The following TASP1 variants were observed in gnomAD, a reference collection of about 807,000 sequenced individuals.
The protein encoded by TASP1 is taspase 1.
A neutral mutation model predicts 56.6 loss-of-function variants in TASP1; 16 were observed. The ratio of observed to expected loss-of-function variants is 0.28; its 90% CI spans 0.19 to 0.43. The LOEUF is 0.43. Among genes scored for constraint, TASP1 ranks in the 20% least tolerant of loss-of-function variants. The pLI, the probability that TASP1 is intolerant of heterozygous loss-of-function variation, is 1.00. For missense variants in TASP1, 393 were observed against 511.6 expected (o/e 0.77, Z 2.24); for synonymous variants, 179 against 184.2 (o/e 0.97, Z 0.23).
intron 12 of TASP1, among the ~76,000 whole-genome samples, chr20:13,423,160 T>C (rs764247799): frequency 6.6e-6 from 1 of 152,186 alleles, no homozygotes; most frequent in Non-Finnish European, 1.5e-5. Flanking sequence ...CTGTATACAA[T>C]GAAATACTAT....
intron 8 of TASP1, among the ~76,000 whole-genome samples, chr20:13,535,587 T>C (rs900517777): frequency 1.3e-5 from 2 of 152,182 alleles, no homozygotes; most frequent in Admixed American, 6.5e-5. Context: ...AATGACATAG[T>C]TCTGCTCAAG....
the TASP1 span, among the ~76,000 whole-genome samples, chr20:13,339,371 G>A: frequency 3.3e-5 from 5 of 152,168 alleles, no homozygotes; most frequent in Non-Finnish European, 5.9e-5. Flanking sequence ...TGAGGACAAC[G>A]CCAGCTAATC....
chr20:13,138,971 T>C, the TASP1 span, among the ~76,000 whole-genome samples: 55 of 152,306 alleles, frequency 3.6e-4, 2 homozygotes, highest in East Asian at 0.01. Context: ...TGTATTTGAC[T>C]TTTTCATACA....
chr20:13,246,272 C>CA, the TASP1 span, among the ~76,000 whole-genome samples: 3,058 of 120,992 alleles, frequency 0.025, 47 homozygotes, highest in African/African-American at 0.028. Context: ...GACTCCATCT[C>CA]AAAAAAAAAA....
chr20:13,503,903 A>T (rs931900621), intron 10 of TASP1, among the ~76,000 whole-genome samples: 3 of 152,048 alleles, frequency 2.0e-5, no homozygotes, highest in African/African-American at 7.2e-5. Flanking sequence ...ACTCAAAGAC[A>T]GCTCATTTAA....
At chr20:13,625,331 A>G in intron 2 of TASP1, 79 bp from the exon 3 acceptor site, 1 of 1,176,206 alleles carries the variant, frequency 8.5e-7, no homozygotes. Context: ...CTCCATATAA[A>G]CTGATGCTGT....
chr20:13,395,438 G>C (rs1055596517), intron 13 of TASP1, among the ~76,000 whole-genome samples: 21 of 152,126 alleles, frequency 1.4e-4, no homozygotes, highest in Non-Finnish European at 8.8e-5. Flanking sequence ...TCAAATTGCT[G>C]AGTCATAGAA....
chr20:13,163,838 A>C, the TASP1 span, among the ~76,000 whole-genome samples: 1 of 152,328 alleles, frequency 6.6e-6, no homozygotes, highest in East Asian at 1.9e-4. Flanking sequence ...AGGCTCAGAA[A>C]GGTTAAAAAG....
At chr20:13,526,907 C>G (rs980951251) in intron 10 of TASP1, among the ~76,000 whole-genome samples, 4 of 152,188 alleles carry the variant, frequency 2.6e-5, no homozygotes, top group East Asian at 1.9e-4. Flanking sequence ...TGTTGAACCT[C>G]ATGAGTCTGA....
chr20:13,506,181 A>G (rs1448515466), intron 10 of TASP1, among the ~76,000 whole-genome samples: 1 of 151,954 alleles, frequency 6.6e-6, no homozygotes, highest in East Asian at 1.9e-4. Flanking sequence ...TATATAATCT[A>G]CCAACATTGA....
chr20:13,162,666 G>T, the TASP1 span, among the ~76,000 whole-genome samples: 3 of 152,292 alleles, frequency 2.0e-5, no homozygotes, highest in African/African-American at 7.2e-5. Flanking sequence ...ACTGACATGT[G>T]TGACAGTTGC....
chr20:13,579,992 C>A (rs1291593036), intron 6 of TASP1, among the ~76,000 whole-genome samples: 1 of 152,218 alleles, frequency 6.6e-6, no homozygotes. Context: ...GTAACCTCCA[C>A]AACCAGGCAT....
the TASP1 span, among the ~76,000 whole-genome samples, chr20:13,358,589 T>A: frequency 6.6e-6 from 1 of 152,164 alleles, no homozygotes; most frequent in Non-Finnish European, 1.5e-5. Flanking sequence ...TCCTTTCATT[T>A]TCTGGGAGAG....
intron 6 of TASP1, among the ~76,000 whole-genome samples, chr20:13,578,696 A>C (rs1568606239): frequency 6.6e-6 from 1 of 152,178 alleles, no homozygotes; most frequent in Non-Finnish European, 1.5e-5. Context: ...AACACAATTT[A>C]TTTAATACAT....
Position 13,390,332 on chromosome 20 carries a change from T to G in TASP1, c.*28A>C. ...AAAAGCTCAGGTTCTGAAATGCCTC[T>G]GAGACGCTTCACACTCAGCCTGAAG... On this transcript the variant is annotated 3_prime_UTR_variant, in exon 14 of 14. Coordinates refer to ENST00000337743, the MANE Select transcript of TASP1 (RefSeq NM_017714.3). The G allele has an allele frequency of 6.2e-7, 1 of 1,606,188 alleles. No homozygotes were observed. The highest frequency in any genetic ancestry group is 8.5e-7 in the Non-Finnish European group (1 of 1,173,558).
chr20:13,392,751 T>TAC, intron 13 of TASP1: 1 of 586,640 alleles, frequency 1.7e-6, no homozygotes, highest in Non-Finnish European at 3.3e-6. Flanking sequence ...TTAACTCTGG[T>TAC]AAAGCAGATG....
chr20:13,214,584 G>C, the TASP1 span, among the ~76,000 whole-genome samples: 2 of 151,750 alleles, frequency 1.3e-5, no homozygotes, highest in African/African-American at 4.8e-5. Context: ...GAGAGAGAGA[G>C]AGAGACAGAA....
At chr20:13,400,366 A>G (rs572104660) in intron 13 of TASP1, among the ~76,000 whole-genome samples, 2 of 152,230 alleles carry the variant, frequency 1.3e-5, no homozygotes, top group Non-Finnish European at 2.9e-5. Context: ...ATTATTAGCT[A>G]CTGTAATAAC....
chr20:13,158,759 C>CATGACT, the TASP1 span, among the ~76,000 whole-genome samples: 10 of 152,202 alleles, frequency 6.6e-5, no homozygotes, highest in African/African-American at 9.7e-5. Flanking sequence ...CTTGTGGGTC[C>CATGACT]TGCAGTCTCC....
Sources: allele counts gnomAD v4.1 joint callset (sites outside exome capture counted in the v4.1 genomes callset), GRCh38; gene constraint gnomAD v4.1.1; transcripts MANE v1.5; gene names NCBI Gene and HGNC (gene_info 2026-07-23, HGNC 2026-07-21).